FAM24B: variants seen among roughly 807,000 people sequenced by gnomAD.
FAM24B encodes protein FAM24B.
FAM24B carries 3 observed loss-of-function variants against 2.3 expected under a neutral mutation model. The observed-to-expected ratio is 1.29, with a 90% CI of 0.59 to 3.32. The LOEUF is 3.32. Ranked by LOEUF, FAM24B falls within the 30% of genes most tolerant of loss-of-function variation. The probability of loss-of-function intolerance (pLI) is 0.03; values close to 1 mark genes in which losing one functional copy is unlikely to be tolerated. For missense variants in FAM24B, 98 were observed against 117.2 expected, an observed-to-expected ratio of 0.84 and a Z score of 0.76; for synonymous variants, 36 against 46.3, an observed-to-expected ratio of 0.78 and a Z score of 0.90.
intron 1 of FAM24B, among the ~76,000 whole-genome samples, chr10:122,867,021 A>G (rs1847813993): frequency 6.6e-6 from 1 of 152,254 alleles, no homozygotes; most frequent in Non-Finnish European, 1.5e-5. Flanking sequence ...AAGGAAATTA[A>G]AAGTGCTACT....
chr10:122,860,037 A>C (rs1160203059), intron 1 of FAM24B, among the ~76,000 whole-genome samples: 1 of 149,848 alleles, frequency 6.7e-6, no homozygotes, highest in African/African-American at 2.5e-5. Context: ...TTTTGGTCTG[A>C]CTTTTTTTTT....
chr10:122,851,738 G>A (rs1048714585), intron 2 of FAM24B, among the ~76,000 whole-genome samples: 2 of 152,090 alleles, frequency 1.3e-5, no homozygotes, highest in African/African-American at 4.8e-5. Context: ...ATAAAGGAGT[G>A]GGGGAGCAAT....
intron 1 of FAM24B, among the ~76,000 whole-genome samples, chr10:122,872,652 T>C (rs1035235477): frequency 5.8e-4 from 88 of 152,244 alleles, no homozygotes; most frequent in African/African-American, 2.0e-3. Flanking sequence ...TGGATGAAGC[T>C]GGAAACCATC....
intron 1 of FAM24B, among the ~76,000 whole-genome samples, chr10:122,859,039 T>C (rs1034356714): frequency 2.6e-5 from 4 of 152,212 alleles, no homozygotes; most frequent in Admixed American, 2.6e-4. Context: ...GAATTGCCCA[T>C]CCTTGGTCTC....
chr10:122,874,920 TG>T (rs1286201210), intron 1 of FAM24B, among the ~76,000 whole-genome samples: 1 of 152,228 alleles, frequency 6.6e-6, no homozygotes, highest in East Asian at 1.9e-4. Flanking sequence ...GGGGCACCCC[TG>T]GTACAGACCT....
Position 122,849,111 on chromosome 10 carries a change from C to T in FAM24B, c.*136G>A. 1 of 556,112 alleles carries T rather than the reference C, an allele frequency of 1.8e-6. No homozygotes were observed. The highest frequency in any genetic ancestry group is 2.9e-6 in the Non-Finnish European group (1 of 348,566). The allele number at this position is 556,112 out of a possible 1,614,324, so 34.4% of individuals were successfully genotyped here. A position where few individuals can be genotyped will look rare whatever the true frequency, so the allele number is the denominator to read the frequency against. ...AAAGAGGATTATTTTTAATAGTGTA[C>T]ATTTATTCAAAAGTATATAAAACAA... On this transcript the variant is annotated 3_prime_UTR_variant, in exon 4 of 4. Coordinates refer to ENST00000368898, the MANE Select transcript of FAM24B (RefSeq NM_152644.3).
chr10:122,862,949 G>A (rs1847749719), intron 1 of FAM24B, among the ~76,000 whole-genome samples: 1 of 151,878 alleles, frequency 6.6e-6, no homozygotes, highest in Non-Finnish European at 1.5e-5. Context: ...TCTCTATCAA[G>A]CAAATCAAGC....
intron 1 of FAM24B, among the ~76,000 whole-genome samples, chr10:122,864,613 C>G (rs1361175875): frequency 6.6e-6 from 1 of 152,332 alleles, no homozygotes; most frequent in East Asian, 1.9e-4. Context: ...TTTTCTCACT[C>G]TGTGTGTACA....
chr10:122,849,677 G>T (rs908430618), intron 3 of FAM24B, among the ~76,000 whole-genome samples: 3 of 151,898 alleles, frequency 2.0e-5, no homozygotes, highest in African/African-American at 7.3e-5. Context: ...TGCAAGCAAG[G>T]TCACCCAACT....
intron 2 of FAM24B, 65 bp from the exon 3 acceptor site, chr10:122,850,615 C>T (rs1847517983): frequency 2.3e-5 from 18 of 795,724 alleles, no homozygotes; most frequent in South Asian, 2.1e-4. Flanking sequence ...AACCACTAAG[C>T]AATGCCAATG....
At chr10:122,860,207 A>G (rs1394625714) in intron 1 of FAM24B, among the ~76,000 whole-genome samples, 16 of 152,124 alleles carry the variant, frequency 1.1e-4, no homozygotes, top group Non-Finnish European at 2.4e-4. Flanking sequence ...CTTCTCCCCT[A>G]TATGCCACCA....
intron 1 of FAM24B, among the ~76,000 whole-genome samples, chr10:122,865,694 TA>T (rs1476886180): frequency 3.3e-5 from 5 of 152,180 alleles, no homozygotes; most frequent in Non-Finnish European, 7.3e-5. Flanking sequence ...AAATTTGTAT[TA>T]TTTTTGCCAC....
intron 1 of FAM24B, among the ~76,000 whole-genome samples, chr10:122,860,685 G>A (rs1459974099): frequency 2.0e-5 from 3 of 151,908 alleles, no homozygotes; most frequent in Admixed American, 2.0e-4. Context: ...ATTTGATAAT[G>A]TCAGAGGACT....
chr10:122,862,304 G>C (rs999804026), intron 1 of FAM24B, among the ~76,000 whole-genome samples: 1 of 152,252 alleles, frequency 6.6e-6, no homozygotes, highest in South Asian at 2.1e-4. Flanking sequence ...TTTACTGTGT[G>C]TCTCTCCTAT....
At chr10:122,869,539 G>T (rs1413623923) in intron 1 of FAM24B, among the ~76,000 whole-genome samples, 1 of 152,120 alleles carries the variant, frequency 6.6e-6, no homozygotes, top group Admixed American at 6.5e-5. Context: ...TGGAAGTAAA[G>T]CACTCCTCAG....
chr10:122,874,973 C>A (rs1847955676), intron 1 of FAM24B, among the ~76,000 whole-genome samples: 1 of 152,200 alleles, frequency 6.6e-6, no homozygotes. Flanking sequence ...GCTTCCTGCT[C>A]TAAGAACGGG....
rs1337603910 is a variant in FAM24B, at chr10:122,854,076, A to AT, written c.-36+1568dup. Among the ~76,000 whole-genome samples the AT allele has an allele frequency of 2.0e-5, 3 of 152,210 alleles. No homozygotes were observed. The South Asian group carries it at 6.2e-4, about 31-fold the overall frequency. ...GTTATGATCAATGACTGAAATCTGAATTTTGTCAGTCTGGTACTCACTTTT... is the reference window on the plus strand; with the variant it reads ...GTTATGATCAATGACTGAAATCTGAATTTTTGTCAGTCTGGTACTCACTTTT... On this transcript the variant is annotated intron_variant, in intron 2 of 3. Transcript: ENST00000368898.
At chr10:122,859,699 A>G (rs1186212690) in intron 1 of FAM24B, among the ~76,000 whole-genome samples, 1 of 152,166 alleles carries the variant, frequency 6.6e-6, no homozygotes, top group Non-Finnish European at 1.5e-5. Flanking sequence ...TGGGGAGTGT[A>G]TTCAAAATCC....
chr10:122,852,666 G>C (rs932994261), intron 2 of FAM24B, among the ~76,000 whole-genome samples: 2 of 152,130 alleles, frequency 1.3e-5, no homozygotes, highest in African/African-American at 2.4e-5. Flanking sequence ...ACTCCCCAAG[G>C]GGTCTCCACT....
Sources: allele counts gnomAD v4.1 joint callset (sites outside exome capture counted in the v4.1 genomes callset), GRCh38; gene constraint gnomAD v4.1.1; transcripts MANE v1.5; gene names NCBI Gene and HGNC (gene_info 2026-07-23, HGNC 2026-07-21).